EPHA5: variants seen among roughly 807,000 people sequenced by gnomAD.
EPHA5 encodes the protein ephrin type-A receptor 5.
A neutral mutation model predicts 105.0 loss-of-function variants in EPHA5; 60 were observed. That is an observed-to-expected ratio of 0.57 (90% CI 0.46 to 0.71). The LOEUF (loss-of-function observed/expected upper bound fraction) is 0.71. EPHA5 is among the 30% of genes least tolerant of loss of function. EPHA5 has a pLI of 0.00. For synonymous variants in EPHA5, 513 were observed against 449.1 expected (o/e 1.14, Z -1.80); for missense variants, 1,218 against 1,274.7 (o/e 0.96, Z 0.68).
At chr4:65,508,944 T>C (rs371640283) in intron 3 of EPHA5, among the ~76,000 whole-genome samples, 1 of 152,182 alleles carries the variant, frequency 6.6e-6, no homozygotes, top group Non-Finnish European at 1.5e-5. Context: ...TTTAAACTAC[T>C]TTTCTTCAAA....
intron 5 of EPHA5, among the ~76,000 whole-genome samples, chr4:65,437,869 A>G (rs1220857073): frequency 3.3e-5 from 5 of 151,978 alleles, no homozygotes; most frequent in Admixed American, 2.0e-4. Flanking sequence ...TTTCCATGTT[A>G]AAAATTTAAA....
chr4:65,331,699 A>G lies in EPHA5; in HGVS notation c.2945+274T>C, dbSNP rs1720633566. ...CTTGTCAAGAAAACATCTTTTCCAC[A>G]ACACAAAACACCAGTATTTTGCCAA... is the stretch of plus-strand genomic sequence containing the variant. On this transcript the variant is annotated intron_variant, in intron 16 of 16. Transcript: ENST00000613740. 8.6e-6 allele frequency: 10 copies of G among 1,159,716 alleles called. No homozygotes were observed. The South Asian group carries it at 3.2e-4, about 37-fold the overall frequency. 71.8% of individuals were successfully genotyped at this position (1,159,716 alleles called of 1,614,324 possible).
chr4:65,521,612 A>C (rs913200578), intron 3 of EPHA5, among the ~76,000 whole-genome samples: 2 of 152,048 alleles, frequency 1.3e-5, no homozygotes, highest in Admixed American at 6.6e-5. Context: ...ATTTACGTCT[A>C]CTTTTTAATT....
chr4:65,609,100 T>A (rs759471294), intron 2 of EPHA5, among the ~76,000 whole-genome samples: 27 of 152,148 alleles, frequency 1.8e-4, no homozygotes, highest in Non-Finnish European at 2.9e-4. Flanking sequence ...AACAGAAGCA[T>A]CTCTATTTTT....
intron 3 of EPHA5, among the ~76,000 whole-genome samples, chr4:65,502,261 A>G (rs1344814880): frequency 1.3e-5 from 2 of 151,792 alleles, no homozygotes; most frequent in Admixed American, 1.3e-4. Flanking sequence ...AGCGGGATCT[A>G]AGTAAACTAA....
In EPHA5 at chr4:65,454,833, A is replaced by G. The variant is rs140491098; in HGVS notation, c.1403-34268T>C. Among the ~76,000 whole-genome samples, 8 of 152,386 alleles carry G rather than the reference A, an allele frequency of 5.2e-5. No individual in the cohort carries two copies. The East Asian group carries it at 1.5e-3, about 29-fold the overall frequency. Reference sequence around the variant, plus strand: ...CTTAGTCATGCTGAAGAAATGGGTTATGAATAGCCTTTTGGGAATTAACTT... The same window carrying G: ...CTTAGTCATGCTGAAGAAATGGGTTGTGAATAGCCTTTTGGGAATTAACTT... On this transcript the variant is annotated intron_variant, in intron 5 of 16. Transcript: ENST00000613740.
At chr4:65,574,312 A>G (rs1301545349) in intron 3 of EPHA5, 2 of 1,528,870 alleles carry the variant, frequency 1.3e-6, no homozygotes, top group African/African-American at 2.8e-5. Context: ...ATTTATCCTC[A>G]CAAATTGGTG....
At chr4:65,596,969 G>A (rs944060923) in intron 3 of EPHA5, among the ~76,000 whole-genome samples, 2 of 152,062 alleles carry the variant, frequency 1.3e-5, no homozygotes, top group African/African-American at 4.8e-5. Flanking sequence ...TGCACCAGAA[G>A]TACGAATGAT....
rs186724876 is a variant in EPHA5 at position 65,481,748 on chromosome 4, G to A, written c.1402+8629C>T. On this transcript the variant is annotated intron_variant, in intron 5 of 16. Transcript: ENST00000613740. Reference sequence around the variant, plus strand: ...GAATATGTGTGAAAATGGATTTTACGTGTTCCTGATATAGAACCAAGAAAG... The same window carrying A: ...GAATATGTGTGAAAATGGATTTTACATGTTCCTGATATAGAACCAAGAAAG... Among the ~76,000 whole-genome samples, 16 of 152,214 alleles carry A rather than the reference G, an allele frequency of 1.1e-4. No individual in the cohort carries two copies. In the East Asian group the frequency reaches 1.9e-3, roughly 18 times the overall value.
At chr4:65,326,224 G>A (rs1720068885) in intron 16 of EPHA5, among the ~76,000 whole-genome samples, 1 of 150,828 alleles carries the variant, frequency 6.6e-6, no homozygotes, top group Non-Finnish European at 1.5e-5. Context: ...AGGAAACAAA[G>A]GCTTAGATAA....
At chr4:65,581,421 G>A (rs979987790) in intron 3 of EPHA5, among the ~76,000 whole-genome samples, 1 of 151,638 alleles carries the variant, frequency 6.6e-6, no homozygotes, top group Non-Finnish European at 1.5e-5. Flanking sequence ...ATCCTACAAA[G>A]TCAATCTCTT....
At chr4:65,534,230 AT>A (rs1736087609) in intron 3 of EPHA5, among the ~76,000 whole-genome samples, 1 of 152,154 alleles carries the variant, frequency 6.6e-6, no homozygotes, top group Non-Finnish European at 1.5e-5. Context: ...ATTAAATTTT[AT>A]TTACACTTAT....
chr4:65,664,939 C>T (rs6846084), intron 1 of EPHA5, among the ~76,000 whole-genome samples: 130,359 of 151,868 alleles, frequency 0.86, 56,362 homozygotes, highest in Non-Finnish European at 0.91. Context: ...TTTAAGATTG[C>T]TTAAAATGAT....
At chr4:65,503,819 A>G (rs1287374372) in intron 3 of EPHA5, among the ~76,000 whole-genome samples, 1 of 151,536 alleles carries the variant, frequency 6.6e-6, no homozygotes, top group Non-Finnish European at 1.5e-5. Flanking sequence ...ATATTTAGAA[A>G]CACACTAATT....
Position 65,508,984 on chromosome 4 carries a change from C to A in EPHA5, c.911-13441G>T, listed in dbSNP as rs543206975. Among the ~76,000 whole-genome samples, 9 of 152,156 alleles carry A rather than the reference C, an allele frequency of 5.9e-5. No homozygotes were observed. In the South Asian group the frequency reaches 1.7e-3, roughly 28 times the overall value. On this transcript the variant is annotated intron_variant, in intron 3 of 16. Coordinates refer to ENST00000613740, the MANE Select transcript of EPHA5 (RefSeq NM_001281766.3). The stretch of plus-strand genomic sequence containing the variant: ...ATGCTGAGAATTAAAATGAATCAAG[C>A]CATTTTGCAAATGTTCAGTGCAAAT...
intron 3 of EPHA5, among the ~76,000 whole-genome samples, chr4:65,586,655 T>C (rs1742153447): frequency 6.6e-6 from 1 of 152,020 alleles, no homozygotes; most frequent in Non-Finnish European, 1.5e-5. Flanking sequence ...TGTTTTTTTT[T>C]CTCTCAAAGC....
chr4:65,565,801 T>A (rs1342251315), intron 3 of EPHA5, among the ~76,000 whole-genome samples: 1 of 151,664 alleles, frequency 6.6e-6, no homozygotes, highest in Non-Finnish European at 1.5e-5. Flanking sequence ...TTACAGAATA[T>A]AAATGAAATA....
intron 14 of EPHA5, among the ~76,000 whole-genome samples, chr4:65,345,825 T>C (rs1219286975): frequency 6.6e-6 from 1 of 152,150 alleles, no homozygotes; most frequent in Non-Finnish European, 1.5e-5. Context: ...CAGGCTGGTG[T>C]GCAGTGGCGC....
intron 3 of EPHA5, among the ~76,000 whole-genome samples, chr4:65,503,439 A>G (rs1732692050): frequency 6.6e-6 from 1 of 151,806 alleles, no homozygotes; most frequent in South Asian, 2.1e-4. Flanking sequence ...TTGAGAATCT[A>G]GGGTTAACTG....
Sources: allele counts gnomAD v4.1 joint callset (sites outside exome capture counted in the v4.1 genomes callset), GRCh38; gene constraint gnomAD v4.1.1; transcripts MANE v1.5; gene names NCBI Gene and HGNC (gene_info 2026-07-23, HGNC 2026-07-21).